The following TMEM108 variants were observed in gnomAD, a reference collection of about 807,000 sequenced individuals.
TMEM108 encodes the protein transmembrane protein 108, also known as cancer/testis antigen 124.
Under a neutral mutation model 35.1 loss-of-function variants are expected in TMEM108, and 12 were observed. That is an observed-to-expected ratio of 0.34 (90% CI 0.22 to 0.55). The LOEUF (loss-of-function observed/expected upper bound fraction) is 0.55. Among genes scored for constraint, TMEM108 ranks in the 20% least tolerant of loss-of-function variants. TMEM108 has a pLI of 0.89. For synonymous variants in TMEM108, 287 were observed against 308.6 expected, an observed-to-expected ratio of 0.93 and a Z score of 0.73; for missense variants, 680 against 753.3, an observed-to-expected ratio of 0.90 and a Z score of 1.14.
chr3:133,245,973 A>G (rs1946380409), intron 3 of TMEM108: 1 of 151,974 alleles, frequency 6.6e-6, no homozygotes, highest in South Asian at 2.1e-4. Context: ...TTTTCAGACC[A>G]GGTCTTTTAA....
chr3:133,159,944 G>C (rs1944937322), intron 2 of TMEM108, among the ~76,000 whole-genome samples: 1 of 152,210 alleles, frequency 6.6e-6, no homozygotes, highest in Non-Finnish European at 1.5e-5. Flanking sequence ...GAATGTAATG[G>C]CTTGGCTCCT....
intron 2 of TMEM108, among the ~76,000 whole-genome samples, chr3:133,224,017 A>G (rs1457270200): frequency 2.6e-5 from 4 of 152,218 alleles, no homozygotes; most frequent in Admixed American, 2.6e-4. Flanking sequence ...AACCTGTTCC[A>G]TGTATTATGG....
intron 3 of TMEM108, among the ~76,000 whole-genome samples, chr3:133,318,279 T>G (rs1261216620): frequency 1.3e-5 from 2 of 152,176 alleles, no homozygotes; most frequent in African/African-American, 2.4e-5. Flanking sequence ...GACACTACAC[T>G]GGTACTTTCA....
At chr3:133,172,838 G>A (rs1945150328) in intron 2 of TMEM108, among the ~76,000 whole-genome samples, 1 of 152,278 alleles carries the variant, frequency 6.6e-6, no homozygotes, top group Admixed American at 6.5e-5. Context: ...AATCATGGGG[G>A]CAGGTCTTTC....
intron 4 of TMEM108, among the ~76,000 whole-genome samples, chr3:133,384,884 A>G (rs2073106435): frequency 6.6e-6 from 1 of 152,228 alleles, no homozygotes; most frequent in South Asian, 2.1e-4. Flanking sequence ...AAAATAGACT[A>G]GCTGCAGATG....
rs1459292108 is a variant in TMEM108 at position 133,340,139 on chromosome 3, A to G, written c.41-39613A>G. On this transcript the variant is annotated intron_variant, in intron 3 of 5. Transcript: ENST00000321871. ...AAATGAAATGAAGGAAACAATACAA[A>G]AGATTAATGAAACAAAAAGTTGTTT... is the stretch of plus-strand genomic sequence containing the variant. Among the ~76,000 whole-genome samples, 5 of 149,968 alleles carry G rather than the reference A, an allele frequency of 3.3e-5. No individual in the cohort carries two copies. In the Admixed American group the frequency reaches 3.4e-4, roughly 10 times the overall value.
At chr3:133,077,801 ACT>A (rs1943759811) in intron 2 of TMEM108, among the ~76,000 whole-genome samples, 2 of 151,752 alleles carry the variant, frequency 1.3e-5, no homozygotes, top group African/African-American at 2.4e-5. Flanking sequence ...TCGAGAAAGG[ACT>A]CTAATCTTTG....
chr3:133,338,793 A>G (rs1335532225), intron 3 of TMEM108, among the ~76,000 whole-genome samples: 1 of 152,106 alleles, frequency 6.6e-6, no homozygotes, highest in Non-Finnish European at 1.5e-5. Flanking sequence ...TAGAAACAAC[A>G]AAAAGCTTAA....
chr3:133,218,438 T>C (rs899511635), intron 2 of TMEM108, among the ~76,000 whole-genome samples: 2 of 152,046 alleles, frequency 1.3e-5, no homozygotes, highest in Admixed American at 1.3e-4. Flanking sequence ...TAGTACTATA[T>C]TGAATAGAAG....
intron 3 of TMEM108, among the ~76,000 whole-genome samples, chr3:133,277,097 G>A (rs1393396124): frequency 6.6e-6 from 1 of 151,934 alleles, no homozygotes; most frequent in African/African-American, 2.4e-5. Flanking sequence ...AGCAAATGCA[G>A]TATGTGTTCT....
chr3:133,105,154 A>G (rs1423180517), intron 2 of TMEM108, among the ~76,000 whole-genome samples: 1 of 152,196 alleles, frequency 6.6e-6, no homozygotes, highest in Non-Finnish European at 1.5e-5. Context: ...CTCTGCTGAC[A>G]TCTCTGTGTC....
At chr3:133,223,999 A>G (rs975186965) in intron 2 of TMEM108, among the ~76,000 whole-genome samples, 1 of 152,210 alleles carries the variant, frequency 6.6e-6, no homozygotes, top group Non-Finnish European at 1.5e-5. Flanking sequence ...TGATAACTGA[A>G]TAAGGTGAAC....
At chr3:133,223,815 A>G (rs1435243080) in intron 2 of TMEM108, among the ~76,000 whole-genome samples, 1 of 152,232 alleles carries the variant, frequency 6.6e-6, no homozygotes. Flanking sequence ...TAAAATGTCT[A>G]AAAGCTATAA....
chr3:133,309,105 C>G (rs982088435), intron 3 of TMEM108, among the ~76,000 whole-genome samples: 7 of 152,106 alleles, frequency 4.6e-5, no homozygotes, highest in East Asian at 1.9e-4. Flanking sequence ...TGTATGTATC[C>G]AGGAATTTAT....
At position 133,379,777 on chromosome 3, in the gene TMEM108, C is replaced by T. The variant is rs182516650; in HGVS notation, c.66C>T (p.Thr22=). The T allele has an allele frequency of 8.4e-5, 136 of 1,613,728 alleles. 1 individual carries two copies. The Admixed American group carries it at 1.0e-3, about 12-fold the overall frequency. The change falls in exon 4 of 6, where the codon ACC becomes ACT. Residue 22 remains threonine (T), a synonymous_variant. Transcript: ENST00000321871. ...LLSFLLILAL[T]EALAFAIQEP... ...GTTTCCTGCTGATCTTGGCACTGAC[C>T]GAAGCGCTGGCATTTGCCATCCAGG...
At chr3:133,253,680 T>C (rs1266462589) in intron 3 of TMEM108, among the ~76,000 whole-genome samples, 2 of 152,234 alleles carry the variant, frequency 1.3e-5, no homozygotes, top group Non-Finnish European at 2.9e-5. Flanking sequence ...ATACCACCCT[T>C]TCTGATAGGG....
At chr3:133,121,221 C>G (rs1944348870) in intron 2 of TMEM108, among the ~76,000 whole-genome samples, 1 of 152,202 alleles carries the variant, frequency 6.6e-6, no homozygotes, top group Admixed American at 6.5e-5. Flanking sequence ...GGGGGCCTCT[C>G]AATCTGAATG....
At chr3:133,097,156 A>G (rs1005697182) in intron 2 of TMEM108, among the ~76,000 whole-genome samples, 13 of 152,380 alleles carry the variant, frequency 8.5e-5, no homozygotes, top group African/African-American at 2.6e-4. Context: ...TTAGATAAGC[A>G]GTCTACTCAA....
chr3:133,147,674 C>G (rs1341055478), intron 2 of TMEM108, among the ~76,000 whole-genome samples: 2 of 152,198 alleles, frequency 1.3e-5, no homozygotes, highest in Non-Finnish European at 2.9e-5. Flanking sequence ...TCAGTACAAC[C>G]TACTACCTAT....
Sources: allele counts gnomAD v4.1 joint callset (sites outside exome capture counted in the v4.1 genomes callset), GRCh38; gene constraint gnomAD v4.1.1; transcripts MANE v1.5; gene names NCBI Gene and HGNC (gene_info 2026-07-23, HGNC 2026-07-21).